The following RBM27 variants were observed in gnomAD, a reference collection of about 807,000 sequenced individuals.
The protein encoded by RBM27 is RNA binding motif protein 27.
A neutral mutation model predicts 135.3 loss-of-function variants in RBM27; 22 were observed. The observed-to-expected ratio is 0.16, with a 90% CI of 0.12 to 0.23. The LOEUF is 0.23. Among genes scored for constraint, RBM27 ranks in the 10% least tolerant of loss-of-function variants. The pLI, the probability that RBM27 is intolerant of heterozygous loss-of-function variation, is 1.00. For synonymous variants in RBM27, 481 were observed against 442.4 expected, an observed-to-expected ratio of 1.09 and a Z score of -1.10; for missense variants, 1,009 against 1,281.0, an observed-to-expected ratio of 0.79 and a Z score of 3.24.
intron 3 of RBM27, among the ~76,000 whole-genome samples, chr5:146,227,400 T>G (rs761338736): frequency 6.6e-6 from 1 of 152,174 alleles, no homozygotes; most frequent in Non-Finnish European, 1.5e-5. Flanking sequence ...TTAAATGTAG[T>G]CTAGTGAGTG....
rs762404264 is a variant in RBM27 at position 146,233,711 on chromosome 5, A to G, written c.1112A>G (p.Gln371Arg). The G allele has an allele frequency of 2.7e-6, 4 of 1,472,660 alleles. No individual in the cohort carries two copies. The highest frequency in any genetic ancestry group is 3.6e-6 in the Non-Finnish European group (4 of 1,112,122). The allele number at this position is 1,472,660 out of a possible 1,614,324, so 91.2% of individuals were successfully genotyped here. The change falls in exon 7 of 21, where the codon CAG becomes CGG. Residue 371 changes from glutamine to arginine, a missense_variant. Physicochemically the swap from Gln to Arg is conservative, Grantham distance 43. This residue lies in a region of RBM27 where 329 missense variants were observed against 368.1 expected (regional missense o/e 0.89). Transcript: ENST00000265271. ...CTTCCTGTTCCCCAAGGACATGGTC[A>G]GCCTCCACCATCCGTTGTGCTTCCC... ...MRLPVPQGHG[Q>R]PPPSVVLPIP...
intron 1 of RBM27, among the ~76,000 whole-genome samples, chr5:146,212,594 T>C (rs148821845): frequency 0.013 from 2,050 of 152,106 alleles, 48 homozygotes; most frequent in African/African-American, 0.046. Context: ...GCTGAAGCAA[T>C]CCTCCCACCT....
intron 11 of RBM27, among the ~76,000 whole-genome samples, chr5:146,260,251 A>T (rs1758332756): frequency 6.6e-6 from 1 of 151,712 alleles, no homozygotes; most frequent in African/African-American, 2.4e-5. Flanking sequence ...GTGGGCCGAG[A>T]TTGTTCCACG....
At chr5:146,248,052 A>G (rs1251495097) in intron 8 of RBM27, among the ~76,000 whole-genome samples, 1 of 152,090 alleles carries the variant, frequency 6.6e-6, no homozygotes, top group Non-Finnish European at 1.5e-5. Context: ...TTCATTTATC[A>G]ATTTTAAGAA....
chr5:146,245,034 C>T (rs1354114373), intron 8 of RBM27, among the ~76,000 whole-genome samples: 1 of 152,120 alleles, frequency 6.6e-6, no homozygotes, highest in Non-Finnish European at 1.5e-5. Context: ...GCCACCATGC[C>T]CAGCTAATGT....
At chr5:146,265,259 A>G (rs1364731521) in intron 14 of RBM27, among the ~76,000 whole-genome samples, 1 of 152,228 alleles carries the variant, frequency 6.6e-6, no homozygotes, top group African/African-American at 2.4e-5. Context: ...ATATACAACT[A>G]TATAAAGAAT....
intron 19 of RBM27, among the ~76,000 whole-genome samples, chr5:146,278,524 T>C (rs1288588265): frequency 6.6e-6 from 1 of 152,168 alleles, no homozygotes; most frequent in Non-Finnish European, 1.5e-5. Context: ...TTATTTGTTC[T>C]CTCTTTTATA....
chr5:146,226,732 A>G (rs902491926), intron 3 of RBM27, among the ~76,000 whole-genome samples: 1 of 152,244 alleles, frequency 6.6e-6, no homozygotes, highest in South Asian at 2.1e-4. Context: ...CTGTTATACT[A>G]TCTTGTTTGT....
intron 5 of RBM27, 73 bp downstream of exon 5, chr5:146,229,983 CTCTTAAAGTTGTACCTTTAATATG>C: frequency 6.5e-7 from 1 of 1,537,430 alleles, no homozygotes; most frequent in Non-Finnish European, 8.9e-7. Flanking sequence ...GCAAGAAATT[CTCTTAAAGTTGTACCTTTAATATG>C]TCTGAGCAGT....
Position 146,267,636 on chromosome 5 carries a change from C to A in RBM27, c.2332-13C>A, listed in dbSNP as rs758608174. On this transcript the variant is annotated splice_polypyrimidine_tract_variant and intron_variant, in intron 14 of 20. Coordinates refer to ENST00000265271, the MANE Select transcript of RBM27 (RefSeq NM_018989.2). ...ATATTTGTGTGTGCTTTTTTTTTTT[C>A]TTTATTTTTTAGATATTTTCAACTC... 1.1e-5 allele frequency: 14 copies of A among 1,331,872 alleles called. No homozygotes were observed. The highest frequency in any genetic ancestry group is 1.6e-5 in the African/African-American group (1 of 61,016). The allele number at this position is 1,331,872 out of a possible 1,614,324, so 82.5% of individuals were successfully genotyped here.
intron 13 of RBM27, among the ~76,000 whole-genome samples, chr5:146,262,229 T>C (rs1442417802): frequency 6.6e-6 from 1 of 152,238 alleles, no homozygotes; most frequent in Admixed American, 6.5e-5. Context: ...TAAGTTATTG[T>C]TATGCACCCT....
Position 146,233,525 on chromosome 5 carries a change from C to T in RBM27, c.926C>T (p.Ala309Val). 1 of 1,612,340 alleles carries T rather than the reference C, an allele frequency of 6.2e-7. No individual in the cohort carries two copies. The highest frequency in any genetic ancestry group is 8.5e-7 in the Non-Finnish European group (1 of 1,179,456). Residue 309 changes from alanine to valine, a missense_variant, in exon 7 of 21, where the codon GCT (alanine) becomes GTT (valine). By Grantham distance (64) the Ala-to-Val change is moderately conservative. Transcript: ENST00000265271. Reference protein sequence around the residue: ...GNDPLVVDEVALPSMIPFPPP... With the variant: ...GNDPLVVDEVVLPSMIPFPPP... The stretch of plus-strand genomic sequence containing the variant: ...GATCCCCTAGTTGTTGATGAAGTTG[C>T]TCTGCCAAGTATGATTCCTTTCCCA...
chr5:146,247,481 G>A (rs886727301), intron 8 of RBM27, among the ~76,000 whole-genome samples: 5 of 152,008 alleles, frequency 3.3e-5, no homozygotes, highest in Admixed American at 6.6e-5. Flanking sequence ...TATACATTAC[G>A]TTTAGTTGAT....
At chr5:146,261,251 C>CAA (rs1204897746) in intron 12 of RBM27, 4 of 553,172 alleles carry the variant, frequency 7.2e-6, no homozygotes, top group African/African-American at 5.6e-5. Context: ...ACATGGCAGA[C>CAA]AGAGAAAGAG....
chr5:146,217,359 C>T (rs1330853873), intron 1 of RBM27, among the ~76,000 whole-genome samples: 1 of 149,886 alleles, frequency 6.7e-6, no homozygotes, highest in Non-Finnish European at 1.5e-5. Context: ...GAACTTTAAG[C>T]ATAAAAACTA....
intron 15 of RBM27, among the ~76,000 whole-genome samples, 179 bp downstream of exon 15, chr5:146,267,947 C>T (rs1216933643): frequency 6.6e-6 from 1 of 152,132 alleles, no homozygotes; most frequent in African/African-American, 2.4e-5. Context: ...AAATGTTTCA[C>T]AATTGCCATT....
rs368036314 is a variant in RBM27 at position 146,232,838 on chromosome 5, A to G, written c.851-612A>G. On this transcript the variant is annotated intron_variant, in intron 6 of 20. Coordinates refer to ENST00000265271, the MANE Select transcript of RBM27 (RefSeq NM_018989.2). ...TGCCTTGGCCTCCCAAAGTGCTGAT[A>G]TTACAGGCGTGAGCGACTGCGCCCA... Among the ~76,000 whole-genome samples the G allele has an allele frequency of 8.5e-5, 13 of 152,348 alleles. No individual in the cohort carries two copies. The South Asian group carries it at 2.7e-3, about 32-fold the overall frequency.
Position 146,203,622 on chromosome 5 carries a change from G to A in RBM27, c.-144G>A, listed in dbSNP as rs1382059782. The A allele has an allele frequency of 4.2e-6, 3 of 719,640 alleles. No homozygotes were observed. The highest frequency in any genetic ancestry group is 1.8e-5 in the African/African-American group (1 of 54,928). The allele number at this position is 719,640 out of a possible 1,614,324, so 44.6% of individuals were successfully genotyped here. ...CTTGGGTTAGTTCCTGTTAGGCCCC[G>A]GCCGGGGGAGTAGGTTGAAGTCTCC... is the stretch of plus-strand genomic sequence containing the variant. On this transcript the variant is annotated 5_prime_UTR_variant, in exon 1 of 21. Transcript: ENST00000265271.
intron 6 of RBM27, among the ~76,000 whole-genome samples, chr5:146,231,675 T>A (rs1413375278): frequency 6.6e-6 from 1 of 152,176 alleles, no homozygotes; most frequent in Non-Finnish European, 1.5e-5. Flanking sequence ...TAGTGTGCAG[T>A]GGCACAATCT....
Sources: allele counts gnomAD v4.1 joint callset (sites outside exome capture counted in the v4.1 genomes callset), GRCh38; gene constraint gnomAD v4.1.1; regional missense constraint gnomAD v4.1.1; transcripts MANE v1.5; gene names NCBI Gene and HGNC (gene_info 2026-07-23, HGNC 2026-07-21).